The following TMEFF2 variants were observed in gnomAD, a reference collection of about 807,000 sequenced individuals.
The protein encoded by TMEFF2 is tomoregulin-2.
TMEFF2 carries 28 observed loss-of-function variants against 53.8 expected under a neutral mutation model. That is an observed-to-expected ratio of 0.52 (90% CI 0.39 to 0.71). The LOEUF is 0.71. TMEFF2 is among the 30% of genes least tolerant of loss of function. The probability of loss-of-function intolerance (pLI) is 0.00; values close to 1 mark genes in which losing one functional copy is unlikely to be tolerated. For missense variants in TMEFF2, 353 were observed against 455.2 expected (o/e 0.78, Z 2.04); for synonymous variants, 162 against 166.3 (o/e 0.97, Z 0.20).
chr2:192,068,351 A>C (rs1358061653), intron 4 of TMEFF2, among the ~76,000 whole-genome samples: 1 of 151,934 alleles, frequency 6.6e-6, no homozygotes, highest in East Asian at 1.9e-4. Flanking sequence ...ATGATGCTGA[A>C]GTAGAAATCT....
chr2:192,183,459 T>G (rs1315789827), intron 3 of TMEFF2, among the ~76,000 whole-genome samples: 1 of 152,086 alleles, frequency 6.6e-6, no homozygotes, highest in Admixed American at 6.6e-5. Context: ...TCTGCTTCTA[T>G]TTTTAGAGAA....
intron 4 of TMEFF2, among the ~76,000 whole-genome samples, chr2:192,132,396 G>A (rs1311609729): frequency 5.3e-5 from 8 of 151,910 alleles, no homozygotes; most frequent in African/African-American, 1.2e-4. Context: ...ACCCTGAGAC[G>A]CTTTACAGCC....
intron 7 of TMEFF2, among the ~76,000 whole-genome samples, chr2:191,973,459 GCATATATATACCTATACATGCATA>G (rs1051857555): frequency 2.3e-4 from 22 of 95,762 alleles, no homozygotes; most frequent in African/African-American, 7.7e-4. Context: ...ATACACATAT[GCATATATATACCTATACATGCATA>G]CATATATATT....
intron 4 of TMEFF2, among the ~76,000 whole-genome samples, chr2:192,106,599 A>G (rs1689155305): frequency 6.6e-6 from 1 of 151,812 alleles, no homozygotes; most frequent in African/African-American, 2.4e-5. Flanking sequence ...CTTCTTAAAA[A>G]TAACATTTTA....
chr2:192,157,496 A>G lies in TMEFF2; in HGVS notation c.439+22172T>C, dbSNP rs541134723. 3.9e-5 allele frequency among the ~76,000 whole-genome samples: 6 copies of G among 152,202 alleles called. No individual in the cohort carries two copies. In the East Asian group the frequency reaches 1.2e-3, roughly 29 times the overall value. ...TTCTTAATTATTGTGACTAAAAAAC[A>G]AAATAGCTCACAAGAAGTGTAACAC... On this transcript the variant is annotated intron_variant, in intron 4 of 9. Coordinates refer to ENST00000272771, the MANE Select transcript of TMEFF2 (RefSeq NM_016192.4).
At chr2:192,004,933 G>GTTTTC (rs1199293871) in intron 5 of TMEFF2, among the ~76,000 whole-genome samples, 4 of 152,086 alleles carry the variant, frequency 2.6e-5, no homozygotes, top group Non-Finnish European at 4.4e-5. Flanking sequence ...GGTTTTTTGT[G>GTTTTC]TTTTCTTTTC....
intron 5 of TMEFF2, among the ~76,000 whole-genome samples, chr2:192,004,505 G>A (rs904183836): frequency 3.9e-5 from 6 of 152,194 alleles, no homozygotes; most frequent in African/African-American, 1.2e-4. Flanking sequence ...GAAGAGCCAG[G>A]TTCAGTGGTG....
chr2:191,950,547 G>C, intron 9 of TMEFF2, 140 bp from the exon 10 acceptor site: 1 of 1,257,312 alleles, frequency 8.0e-7, no homozygotes, highest in Non-Finnish European at 1.1e-6. Flanking sequence ...TAGAAGCTTG[G>C]ATTATTTTGG....
intron 4 of TMEFF2, among the ~76,000 whole-genome samples, chr2:192,173,526 T>A (rs912192498): frequency 1.3e-5 from 2 of 151,894 alleles, no homozygotes; most frequent in African/African-American, 4.8e-5. Flanking sequence ...CTTGTAAGTA[T>A]ACAGAATCTC....
chr2:192,078,463 A>C (rs1688482857), intron 4 of TMEFF2, among the ~76,000 whole-genome samples: 1 of 152,162 alleles, frequency 6.6e-6, no homozygotes, highest in African/African-American at 2.4e-5. Context: ...TTTTCCTCAG[A>C]ATTAATTCTA....
chr2:192,002,217 T>C lies in TMEFF2; in HGVS notation c.537-3009A>G, dbSNP rs1686382095. 1.3e-5 allele frequency among the ~76,000 whole-genome samples: 2 copies of C among 152,178 alleles called. 1 individual carries two copies. The highest frequency in any genetic ancestry group is 6.8e-3 in the Middle Eastern group (2 of 294). ...TCATGGAATGGCTAAGAAACAGGTA[T>C]AGATGGTTGATGTTTTTATTCTCAG... On this transcript the variant is annotated intron_variant, in intron 5 of 9. Transcript: ENST00000272771.
intron 4 of TMEFF2, among the ~76,000 whole-genome samples, chr2:192,166,870 T>C (rs1406550115): frequency 1.3e-5 from 2 of 152,214 alleles, no homozygotes; most frequent in Non-Finnish European, 2.9e-5. Context: ...GCATATTTCT[T>C]ACTTCAAGAT....
chr2:191,966,061 TTTTAAAATAAAGGA>T (rs1692463194), intron 7 of TMEFF2, among the ~76,000 whole-genome samples: 3 of 152,214 alleles, frequency 2.0e-5, no homozygotes, highest in South Asian at 4.1e-4. Context: ...AATACATAGT[TTTTAAAATAAAGGA>T]ATGTTTCCCT....
At chr2:192,149,256 T>C (rs1690327394) in intron 4 of TMEFF2, among the ~76,000 whole-genome samples, 1 of 151,942 alleles carries the variant, frequency 6.6e-6, no homozygotes, top group Admixed American at 6.6e-5. Flanking sequence ...CTTGGTAGTC[T>C]GATGAGTGTA....
intron 5 of TMEFF2, among the ~76,000 whole-genome samples, chr2:192,011,934 T>C (rs933711700): frequency 6.6e-6 from 1 of 152,200 alleles, no homozygotes; most frequent in African/African-American, 2.4e-5. Flanking sequence ...TCATCCAGGC[T>C]GGAGTGCAGT....
At chr2:191,965,828 G>A (rs1692453903) in intron 7 of TMEFF2, among the ~76,000 whole-genome samples, 1 of 152,030 alleles carries the variant, frequency 6.6e-6, no homozygotes, top group South Asian at 2.1e-4. Context: ...CTTCTGCAAT[G>A]TTCTCTTCTG....
chr2:192,020,493 T>C (rs1686835844), intron 5 of TMEFF2, among the ~76,000 whole-genome samples: 1 of 152,110 alleles, frequency 6.6e-6, no homozygotes. Context: ...ATATACTTAG[T>C]ATAAATTGCA....
chr2:192,090,951 C>T (rs957636226), intron 4 of TMEFF2, among the ~76,000 whole-genome samples: 10 of 152,078 alleles, frequency 6.6e-5, no homozygotes, highest in African/African-American at 1.9e-4. Flanking sequence ...GGTTCTATTC[C>T]TGTCACTAGG....
chr2:192,184,500 TG>T lies in TMEFF2; in HGVS notation c.283-18del. On this transcript the variant is annotated intron_variant, in intron 2 of 9. Coordinates refer to ENST00000272771, the MANE Select transcript of TMEFF2 (RefSeq NM_016192.4). The stretch of plus-strand genomic sequence containing the variant: ...ATTGTTGCACTGGGAAACACACAGA[TG>T]TAAGCCTATAGTTAGTACTGGAGAT... The T allele has an allele frequency of 6.2e-7, 1 of 1,612,736 alleles. No individual in the cohort carries two copies. Among genetic ancestry groups the T allele is most frequent in the Non-Finnish European group, 8.5e-7 (1 of 1,179,182 alleles).
Sources: allele counts gnomAD v4.1 joint callset (sites outside exome capture counted in the v4.1 genomes callset), GRCh38; gene constraint gnomAD v4.1.1; transcripts MANE v1.5; gene names NCBI Gene and HGNC (gene_info 2026-07-23, HGNC 2026-07-21).